ACYP1: variants seen among roughly 807,000 people sequenced by gnomAD.
ACYP1 encodes the protein acylphosphatase 1.
In ACYP1, 8 loss-of-function variants were observed where a neutral mutation model predicts 10.4. The observed-to-expected ratio is 0.77, with a 90% CI of 0.45 to 1.38. The LOEUF is 1.38. Among genes scored for constraint, ACYP1 ranks in the 40% most tolerant of loss-of-function variants. The pLI is 0.00. For synonymous variants in ACYP1, 38 were observed against 40.8 expected (o/e 0.93, Z 0.26); for missense variants, 93 against 117.3 (o/e 0.79, Z 0.96).
chr14:75,061,512 T>A (rs1893015245), intron 2 of ACYP1, among the ~76,000 whole-genome samples: 1 of 152,186 alleles, frequency 6.6e-6, no homozygotes, highest in South Asian at 2.1e-4. Context: ...TTATATGCAG[T>A]TTTCCAATCA....
At position 75,056,542 on chromosome 14, in the gene ACYP1, C is replaced by T. The variant is rs112013863; in HGVS notation, c.85-2883G>A. On this transcript the variant is annotated intron_variant, in intron 2 of 2. Transcript: ENST00000238618. ...CCAGGCTCAAATGATCCTCCTTCCT[C>T]AGCCTCCCAAAAACAAAGCTGTCAC... is the stretch of plus-strand genomic sequence containing the variant. 1.4e-3 allele frequency among the ~76,000 whole-genome samples: 212 copies of T among 151,082 alleles called. 4 individuals carry two copies. The highest frequency in any genetic ancestry group is 5.1e-3 in the African/African-American group (207 of 40,716).
chr14:75,062,659 CA>C (rs534860020), intron 2 of ACYP1, among the ~76,000 whole-genome samples: 1,704 of 103,360 alleles, frequency 0.016, 25 homozygotes, highest in African/African-American at 0.051. Flanking sequence ...ACTAAAAATA[CA>C]AAAAAAAAAA....
chr14:75,059,702 C>T (rs917003736), intron 2 of ACYP1: 11 of 152,218 alleles, frequency 7.2e-5, no homozygotes, highest in African/African-American at 2.7e-4. Context: ...AGATGCTCAA[C>T]ATCATTAGTC....
At chr14:75,063,388 T>C (rs2139659855) in intron 2 of ACYP1, 82 bp downstream of exon 2, 1 of 1,156,998 alleles carries the variant, frequency 8.6e-7, no homozygotes, top group Non-Finnish European at 1.3e-6. Context: ...CAGCGGCTTC[T>C]AGTTCACATT....
intron 2 of ACYP1, among the ~76,000 whole-genome samples, chr14:75,062,192 G>A (rs1324070264): frequency 2.0e-5 from 3 of 150,270 alleles, no homozygotes; most frequent in Non-Finnish European, 4.4e-5. Context: ...GCACACTGGT[G>A]GGAGGCCGAG....
At position 75,059,479 on chromosome 14, in the gene ACYP1, T is replaced by C. The variant is rs368036321; in HGVS notation, c.84+3991A>G. ...TTGACTTCATCAAAAGTAAAAACTTTTGTACTTCACAGACACTATCAAGAA... is the reference window on the plus strand; with the variant it reads ...TTGACTTCATCAAAAGTAAAAACTTCTGTACTTCACAGACACTATCAAGAA... On this transcript the variant is annotated intron_variant, in intron 2 of 2. Transcript: ENST00000238618. 2.4e-4 allele frequency among the ~76,000 whole-genome samples: 36 copies of C among 152,348 alleles called. No individual in the cohort carries two copies. The East Asian group carries it at 4.8e-3, about 20-fold the overall frequency.
At chr14:75,063,610 C>T (rs1893084178) in intron 1 of ACYP1, 49 bp from the exon 2 acceptor site, 1 of 1,514,752 alleles carries the variant, frequency 6.6e-7, no homozygotes, top group East Asian at 2.3e-5. Context: ...TATTCCAGGA[C>T]CCGCAAGCCT....
chr14:75,062,659 C>CAAAAAAAAA (rs534860020), intron 2 of ACYP1, among the ~76,000 whole-genome samples: 1,191 of 101,252 alleles, frequency 0.012, no homozygotes, highest in Middle Eastern at 0.021. Context: ...ACTAAAAATA[C>CAAAAAAAAA]AAAAAAAAAA....
chr14:75,063,365 G>C, intron 2 of ACYP1, 105 bp downstream of exon 2: 2 of 879,890 alleles, frequency 2.3e-6, no homozygotes, highest in East Asian at 4.9e-5. Context: ...TTGCCATGCA[G>C]CTACCAAATA....
At chr14:75,057,036 A>G (rs1255068815) in intron 2 of ACYP1, among the ~76,000 whole-genome samples, 1 of 151,660 alleles carries the variant, frequency 6.6e-6, no homozygotes, top group Non-Finnish European at 1.5e-5. Context: ...AAGAAAAGGC[A>G]TTCAGATTGG....
At chr14:75,064,173 A>C (rs1321889895), upstream of ACYP1, 4 of 295,366 alleles carry the variant, frequency 1.4e-5, no homozygotes, top group Non-Finnish European at 2.0e-5. Flanking sequence ...GCAACCCAAA[A>C]GCTTTGGGTT....
intron 2 of ACYP1, among the ~76,000 whole-genome samples, chr14:75,062,016 G>A (rs929476653): frequency 7.7e-5 from 11 of 143,362 alleles, no homozygotes; most frequent in African/African-American, 2.3e-4. Flanking sequence ...TAGGAGAAAC[G>A]CTTGAACCCG....
At chr14:75,067,175 C>A (rs1246601155), upstream of ACYP1, among the ~76,000 whole-genome samples, 1 of 140,230 alleles carries the variant, frequency 7.1e-6, no homozygotes, top group Non-Finnish European at 1.5e-5. Flanking sequence ...AAGAGAATGT[C>A]TGGAACTACA....
At chr14:75,064,392 T>C (rs1351266687), upstream of ACYP1, 1 of 152,254 alleles carries the variant, frequency 6.6e-6, no homozygotes, top group South Asian at 2.1e-4. Flanking sequence ...CAAACATCAG[T>C]GAACAAAACA....
intron 2 of ACYP1, among the ~76,000 whole-genome samples, chr14:75,060,952 G>C (rs752813433): frequency 6.6e-6 from 1 of 151,910 alleles, no homozygotes; most frequent in African/African-American, 2.4e-5. Context: ...CTGTAATCCC[G>C]GCTACCTGGG....
At chr14:75,068,817 T>G (rs1893214560), upstream of ACYP1, among the ~76,000 whole-genome samples, 1 of 152,190 alleles carries the variant, frequency 6.6e-6, no homozygotes, top group South Asian at 2.1e-4. Flanking sequence ...ATGACTGCTG[T>G]CTACATTATT....
rs1025406243 is a variant in ACYP1, at chr14:75,053,278, A to G, written c.*166T>C. On this transcript the variant is annotated 3_prime_UTR_variant, in exon 3 of 3. Coordinates refer to ENST00000238618, the MANE Select transcript of ACYP1 (RefSeq NM_001107.5). ...ACGTTTTTATTGATTAGATTTGTGT[A>G]CAGTGGTAATCCTTCCATCATACAG... is the stretch of plus-strand genomic sequence containing the variant. 5.4e-5 allele frequency: 35 copies of G among 646,526 alleles called. No homozygotes were observed. Among genetic ancestry groups the G allele is most frequent in the Non-Finnish European group, 5.0e-5 (19 of 378,870 alleles). 40.0% of individuals were successfully genotyped at this position (646,526 alleles called of 1,614,324 possible). A position where few individuals can be genotyped will look rare whatever the true frequency, so the allele number is the denominator to read the frequency against.
At chr14:75,067,823 G>T (rs1893172765), upstream of ACYP1, among the ~76,000 whole-genome samples, 1 of 151,174 alleles carries the variant, frequency 6.6e-6, no homozygotes. Flanking sequence ...GGGAGACCCT[G>T]TCTCTACAGA....
intron 2 of ACYP1, among the ~76,000 whole-genome samples, chr14:75,056,578 A>C (rs1376704830): frequency 6.6e-6 from 1 of 151,300 alleles, no homozygotes; most frequent in Admixed American, 6.6e-5. Context: ...GAGAAAAAAC[A>C]ACCAAAAAAC....
Sources: gnomAD v4.1 joint callset for allele counts (sites outside exome capture counted in the v4.1 genomes callset) on GRCh38, gnomAD v4.1.1 for gene constraint, MANE v1.5 for transcripts, NCBI Gene and HGNC (gene_info 2026-07-23, HGNC 2026-07-21) for gene names.